The following CDH12 variants were observed in gnomAD, a reference collection of about 807,000 sequenced individuals.
CDH12 encodes the protein cadherin-12.
Under a neutral mutation model 74.1 loss-of-function variants are expected in CDH12, and 41 were observed. The observed-to-expected ratio is 0.55, with a 90% CI of 0.43 to 0.72. The LOEUF (loss-of-function observed/expected upper bound fraction) is 0.72, where lower values mean the gene tolerates loss of function less well. Among genes scored for constraint, CDH12 ranks in the 30% least tolerant of loss-of-function variants. The pLI, the probability that CDH12 is intolerant of heterozygous loss-of-function variation, is 0.00. For missense variants in CDH12, 945 were observed against 977.2 expected (o/e 0.97, Z 0.44); for synonymous variants, 399 against 355.0 (o/e 1.12, Z -1.39).
intron 1 of CDH12, chr5:22,580,168 A>T: frequency 3.5e-6 from 1 of 284,186 alleles, no homozygotes; most frequent in South Asian, 3.5e-5. Flanking sequence ...AAGAGGATCC[A>T]GATGAGGGTA....
At chr5:22,095,929 C>T (rs1184732683) in intron 4 of CDH12, among the ~76,000 whole-genome samples, 12 of 151,516 alleles carry the variant, frequency 7.9e-5, no homozygotes, top group African/African-American at 2.9e-4. Flanking sequence ...CTTATCTCTG[C>T]ACCCTGATCC....
At chr5:21,858,928 A>G (rs775605820) in intron 6 of CDH12, among the ~76,000 whole-genome samples, 5 of 151,906 alleles carry the variant, frequency 3.3e-5, no homozygotes, top group Admixed American at 6.6e-5. Flanking sequence ...GAATGACTAA[A>G]CTGAGCTAAT....
chr5:21,780,618 T>C (rs1206511624), intron 11 of CDH12, among the ~76,000 whole-genome samples: 1 of 152,200 alleles, frequency 6.6e-6, no homozygotes, highest in Non-Finnish European at 1.5e-5. Flanking sequence ...TACTGAATAA[T>C]CTTTTATTAT....
At chr5:22,566,819 T>C (rs1739310273) in intron 1 of CDH12, among the ~76,000 whole-genome samples, 1 of 152,170 alleles carries the variant, frequency 6.6e-6, no homozygotes, top group Non-Finnish European at 1.5e-5. Flanking sequence ...GTGATCTCTA[T>C]GTCTCATTGC....
At chr5:22,289,056 C>A (rs1276767137) in intron 3 of CDH12, among the ~76,000 whole-genome samples, 1 of 151,986 alleles carries the variant, frequency 6.6e-6, no homozygotes, top group Non-Finnish European at 1.5e-5. Context: ...AGCTAAGAGA[C>A]TTGTATCATA....
intron 6 of CDH12, among the ~76,000 whole-genome samples, chr5:21,859,570 G>A (rs929319767): frequency 2.0e-5 from 3 of 151,892 alleles, no homozygotes; most frequent in Non-Finnish European, 2.9e-5. Flanking sequence ...GGGTGGACAC[G>A]GAACCACTCA....
intron 3 of CDH12, among the ~76,000 whole-genome samples, chr5:22,249,197 A>G (rs1353753961): frequency 6.6e-6 from 1 of 152,228 alleles, no homozygotes; most frequent in Admixed American, 6.5e-5. Context: ...TTTTAAATTC[A>G]TAGAACAGCT....
chr5:22,340,900 G>C (rs1377162136), intron 3 of CDH12, among the ~76,000 whole-genome samples: 1 of 152,090 alleles, frequency 6.6e-6, no homozygotes, highest in African/African-American at 2.4e-5. Flanking sequence ...AAAGGAATTA[G>C]TCAAAATCTG....
At chr5:22,760,688 A>C (rs1470498794) in intron 1 of CDH12, among the ~76,000 whole-genome samples, 19 of 150,990 alleles carry the variant, frequency 1.3e-4, no homozygotes, top group South Asian at 2.1e-4. Flanking sequence ...CAAAAAAAAA[A>C]AAAAAAAAAA....
At chr5:22,160,112 T>A (rs1368973627) in intron 4 of CDH12, among the ~76,000 whole-genome samples, 4 of 152,184 alleles carry the variant, frequency 2.6e-5, no homozygotes, top group Non-Finnish European at 5.9e-5. Context: ...TTCCAGAAAG[T>A]TGCAAAACTC....
chr5:22,671,026 C>CATAT (rs142736004), intron 1 of CDH12, among the ~76,000 whole-genome samples: 54 of 147,494 alleles, frequency 3.7e-4, no homozygotes, highest in African/African-American at 1.0e-3. Context: ...TATATGTGTG[C>CATAT]ATATATATAT....
chr5:22,634,223 C>T (rs1738720628), intron 1 of CDH12, among the ~76,000 whole-genome samples: 1 of 151,848 alleles, frequency 6.6e-6, no homozygotes, highest in African/African-American at 2.4e-5. Context: ...TAAATAGCAA[C>T]AAGACAAAAG....
chr5:22,385,316 G>T (rs1437506889), intron 3 of CDH12, among the ~76,000 whole-genome samples: 3 of 152,088 alleles, frequency 2.0e-5, no homozygotes, highest in Non-Finnish European at 2.9e-5. Flanking sequence ...TTATCCATAT[G>T]ATTTTCTTCA....
intron 2 of CDH12, among the ~76,000 whole-genome samples, chr5:22,461,938 A>G (rs1206509732): frequency 1.3e-5 from 2 of 152,120 alleles, no homozygotes; most frequent in Non-Finnish European, 2.9e-5. Context: ...GGGAAAAATC[A>G]GTTCAAAACC....
chr5:22,722,298 A>C (rs745519103), intron 1 of CDH12, among the ~76,000 whole-genome samples: 50 of 152,264 alleles, frequency 3.3e-4, no homozygotes, highest in Non-Finnish European at 2.6e-4. Context: ...ACAGAAAATC[A>C]GAGTATGTGG....
At chr5:22,823,228 T>G (rs1260007163) in intron 1 of CDH12, among the ~76,000 whole-genome samples, 1 of 99,244 alleles carries the variant, frequency 1.0e-5, no homozygotes, top group Non-Finnish European at 1.9e-5. Context: ...CTCCGGGGAC[T>G]GTTGTGAGGT....
chr5:22,490,715 C>G (rs1746827286), intron 2 of CDH12, among the ~76,000 whole-genome samples: 1 of 152,068 alleles, frequency 6.6e-6, no homozygotes, highest in Non-Finnish European at 1.5e-5. Flanking sequence ...TTTAAATAAA[C>G]CCCACACAAC....
intron 5 of CDH12, 95 bp downstream of exon 5, chr5:22,078,351 G>A: frequency 9.5e-7 from 1 of 1,051,728 alleles, no homozygotes; most frequent in East Asian, 2.5e-5. Context: ...TCTAGTCACT[G>A]GTTTGTTCAA....
intron 4 of CDH12, among the ~76,000 whole-genome samples, chr5:22,207,127 G>C (rs1291906489): frequency 1.3e-5 from 2 of 149,860 alleles, no homozygotes; most frequent in East Asian, 3.9e-4. Flanking sequence ...GCTAAGGCAG[G>C]AGAATGGCGT....
Sources: allele counts gnomAD v4.1 joint callset (sites outside exome capture counted in the v4.1 genomes callset), GRCh38; gene constraint gnomAD v4.1.1; transcripts MANE v1.5; gene names NCBI Gene and HGNC (gene_info 2026-07-23, HGNC 2026-07-21).